Variants in NMBR observed in about 807,000 individuals in gnomAD.
NMBR encodes the protein neuromedin B receptor.
NMBR carries 16 observed loss-of-function variants against 20.5 expected under a neutral mutation model. That is an observed-to-expected ratio of 0.78 (90% CI 0.53 to 1.19). NMBR has a LOEUF of 1.19. Ranked by LOEUF, NMBR falls within the 50% of genes most tolerant of loss-of-function variation. The probability of loss-of-function intolerance (pLI) is 0.00; values close to 1 mark genes in which losing one functional copy is unlikely to be tolerated. For missense variants in NMBR, 582 were observed against 499.1 expected (o/e 1.17, Z -1.58); for synonymous variants, 212 against 196.6 (o/e 1.08, Z -0.65).
chr6:142,088,593 G>C lies in NMBR; in HGVS notation c.66C>G (p.Pro22=). 6.2e-7 allele frequency: 1 copy of C among 1,612,570 alleles called. No homozygotes were observed. The highest frequency in any genetic ancestry group is 1.1e-5 in the South Asian group (1 of 91,046). ...TTGANESGSV[P]EGWERDFLPA... is the part of the protein sequence containing the mutation. ...GCAGGAAATCCCTTTCCCACCCCTC[G>C]GGAACGGAACCGCTCTCATTCGCGC... The change falls in exon 2 of 4, where the codon CCC becomes CCG. Residue 22 remains proline (P), a synonymous_variant. Transcript: ENST00000258042.
intron 1 of NMBR, among the ~76,000 whole-genome samples, chr6:142,109,068 A>G (rs555567082): frequency 6.6e-6 from 1 of 152,294 alleles, no homozygotes; most frequent in Non-Finnish European, 1.5e-5. Flanking sequence ...GTGGGCTTCC[A>G]CAGCCTTGGG....
At chr6:142,131,035 T>A (rs1192165102) in intron 1 of NMBR, among the ~76,000 whole-genome samples, 2 of 152,100 alleles carry the variant, frequency 1.3e-5, no homozygotes, top group African/African-American at 4.8e-5. Flanking sequence ...TTTTGGAGTG[T>A]AAGTGTCTAC....
intron 1 of NMBR, among the ~76,000 whole-genome samples, chr6:142,122,363 A>G (rs1393550097): frequency 6.6e-6 from 1 of 151,964 alleles, no homozygotes; most frequent in East Asian, 1.9e-4. Context: ...AGCCATAAAA[A>G]TATACCTTGT....
chr6:142,117,425 A>G (rs1777874394), intron 1 of NMBR, among the ~76,000 whole-genome samples: 1 of 151,962 alleles, frequency 6.6e-6, no homozygotes, highest in Non-Finnish European at 1.5e-5. Context: ...GGAATAATGG[A>G]CATTAAATTT....
chr6:142,093,956 G>C (rs113513297), intron 1 of NMBR, among the ~76,000 whole-genome samples: 94,841 of 148,248 alleles, frequency 0.64, 32,326 homozygotes, highest in East Asian at 0.87. Context: ...GTGTTCTTTT[G>C]AGAAGTGTCT....
At chr6:142,081,405 C>A (rs1777092762) in intron 2 of NMBR, among the ~76,000 whole-genome samples, 1 of 152,298 alleles carries the variant, frequency 6.6e-6, no homozygotes, top group Non-Finnish European at 1.5e-5. Flanking sequence ...ATACAGAAAT[C>A]TCGGTTTAGA....
intron 1 of NMBR, among the ~76,000 whole-genome samples, chr6:142,118,513 T>C (rs1427221684): frequency 6.6e-6 from 1 of 152,148 alleles, no homozygotes; most frequent in Non-Finnish European, 1.5e-5. Context: ...CCTAGAGCTA[T>C]CATTTTTTGA....
At chr6:142,090,576 A>C (rs1361309903) in intron 1 of NMBR, among the ~76,000 whole-genome samples, 3 of 149,600 alleles carry the variant, frequency 2.0e-5, no homozygotes, top group Non-Finnish European at 4.4e-5. Flanking sequence ...TGAATATATA[A>C]ATATTCTATT....
intron 1 of NMBR, among the ~76,000 whole-genome samples, chr6:142,114,851 G>A (rs922353371): frequency 3.3e-5 from 5 of 151,970 alleles, no homozygotes; most frequent in Non-Finnish European, 7.4e-5. Flanking sequence ...CATATTCATA[G>A]CAACACTATG....
chr6:142,095,248 C>T (rs1777422651), intron 1 of NMBR, among the ~76,000 whole-genome samples: 1 of 152,090 alleles, frequency 6.6e-6, no homozygotes, highest in Non-Finnish European at 1.5e-5. Context: ...AAAGGGAATG[C>T]TTCCGGTTTT....
intron 1 of NMBR, among the ~76,000 whole-genome samples, chr6:142,101,273 C>T (rs11752304): frequency 6.6e-6 from 1 of 152,146 alleles, no homozygotes; most frequent in Admixed American, 6.5e-5. Context: ...TGATAGTTCA[C>T]TAGGTACAGA....
At chr6:142,128,632 G>T (rs1039207032) in intron 1 of NMBR, among the ~76,000 whole-genome samples, 5 of 152,068 alleles carry the variant, frequency 3.3e-5, no homozygotes, top group African/African-American at 1.2e-4. Context: ...TGATCATGTG[G>T]TTTTTGTCTT....
intron 1 of NMBR, among the ~76,000 whole-genome samples, chr6:142,099,828 A>G (rs966067036): frequency 3.9e-5 from 6 of 152,216 alleles, no homozygotes; most frequent in African/African-American, 1.4e-4. Context: ...CTTACAGCTC[A>G]AGATATCAAA....
At position 142,075,451 on chromosome 6, in the gene NMBR, C is replaced by A. The variant is rs923341911; in HGVS notation, c.*197G>T. On this transcript the variant is annotated 3_prime_UTR_variant, in exon 4 of 4. Coordinates refer to ENST00000258042, the MANE Select transcript of NMBR (RefSeq NM_002511.4). ...TGTATTATATGTAGTGATTTAAAGT[C>A]TTTTCTCATATTCTAATTATTAGGA... 6.6e-6 allele frequency among the ~76,000 whole-genome samples: 1 copy of A among 151,902 alleles called. No homozygotes were observed. The highest frequency in any genetic ancestry group is 2.4e-5 in the African/African-American group (1 of 41,354).
chr6:142,088,736 T>C lies in NMBR; in HGVS notation c.-78A>G. ...AGGACTGAACGCCCACGATTTAGGT[T>C]TAATCGATGTCCCTCCCTCTCGCCC... On this transcript the variant is annotated 5_prime_UTR_variant, in exon 2 of 4. Transcript: ENST00000258042. The C allele has an allele frequency of 7.8e-7, 1 of 1,287,518 alleles. No individual in the cohort carries two copies. Among genetic ancestry groups the C allele is most frequent in the Non-Finnish European group, 1.1e-6 (1 of 938,068 alleles). 79.8% of individuals were successfully genotyped at this position (1,287,518 alleles called of 1,614,324 possible).
intron 1 of NMBR, among the ~76,000 whole-genome samples, chr6:142,110,982 G>C (rs958322633): frequency 5.3e-5 from 8 of 152,188 alleles, no homozygotes; most frequent in African/African-American, 1.9e-4. Flanking sequence ...GCTCACACCT[G>C]TAATGCCAGC....
At chr6:142,091,076 AT>A (rs1365813051) in intron 1 of NMBR, among the ~76,000 whole-genome samples, 4 of 152,126 alleles carry the variant, frequency 2.6e-5, no homozygotes, top group South Asian at 2.1e-4. Context: ...TATTTTAATA[AT>A]TTTTTTGGTA....
intron 1 of NMBR, among the ~76,000 whole-genome samples, chr6:142,095,841 G>A (rs1777438901): frequency 6.6e-6 from 1 of 152,114 alleles, no homozygotes; most frequent in South Asian, 2.1e-4. Context: ...CCTGTTATTG[G>A]TCTATTCAGA....
Position 142,133,758 on chromosome 6 carries a change from T to TAA in NMBR, c.-664+13285_-664+13286insTT, listed in dbSNP as rs550096055. 77 of 526,302 alleles carry TAA rather than the reference T, an allele frequency of 1.5e-4. No homozygotes were observed. The East Asian group carries it at 1.8e-3, about 12-fold the overall frequency. 32.6% of individuals were successfully genotyped at this position (526,302 alleles called of 1,614,324 possible). On this transcript the variant is annotated intron_variant, in intron 1 of 3. Coordinates refer to ENST00000258042, the MANE Select transcript of NMBR (RefSeq NM_002511.4). ...TTTGGCTTCAAAACTTCTTGACTCT[T>TAA]ACATTTTTTAAATGTGATATAAGGA...
Sources: gnomAD v4.1 joint callset for allele counts (sites outside exome capture counted in the v4.1 genomes callset) on GRCh38, gnomAD v4.1.1 for gene constraint, MANE v1.5 for transcripts, NCBI Gene and HGNC (gene_info 2026-07-23, HGNC 2026-07-21) for gene names.